The following SLC2A10 variants were observed in gnomAD, a reference collection of about 807,000 sequenced individuals.
The protein encoded by SLC2A10 is solute carrier family 2 member 10.
SLC2A10 carries 25 observed loss-of-function variants against 32.1 expected under a neutral mutation model. The ratio of observed to expected loss-of-function variants is 0.78; its 90% CI spans 0.57 to 1.09. The LOEUF is 1.09. SLC2A10 is among the 50% of genes least tolerant of loss of function. The probability of loss-of-function intolerance (pLI) is 0.00; values close to 1 mark genes in which losing one functional copy is unlikely to be tolerated. For synonymous variants in SLC2A10, 332 were observed against 309.6 expected, an observed-to-expected ratio of 1.07 and a Z score of -0.76; for missense variants, 673 against 686.5, an observed-to-expected ratio of 0.98 and a Z score of 0.22.
upstream of SLC2A10, among the ~76,000 whole-genome samples, chr20:46,709,289 G>A (rs1443067054): frequency 6.6e-6 from 1 of 151,858 alleles, no homozygotes; most frequent in Non-Finnish European, 1.5e-5. Flanking sequence ...GTGTGTGTGC[G>A]CACGCTGGGG....
chr20:46,723,217 G>C (rs1045075797), intron 1 of SLC2A10, among the ~76,000 whole-genome samples: 1 of 152,136 alleles, frequency 6.6e-6, no homozygotes, highest in African/African-American at 2.4e-5. Context: ...CATGTTCCAA[G>C]ATGGCTGCTG....
intron 4 of SLC2A10, among the ~76,000 whole-genome samples, chr20:46,731,614 G>A (rs1159863837): frequency 6.6e-6 from 1 of 152,154 alleles, no homozygotes; most frequent in Non-Finnish European, 1.5e-5. Context: ...GGGGAGCCAA[G>A]GCCAGCCCTT....
intron 1 of SLC2A10, among the ~76,000 whole-genome samples, chr20:46,711,193 T>C (rs914279559): frequency 1.3e-5 from 2 of 152,216 alleles, no homozygotes; most frequent in Non-Finnish European, 2.9e-5. Flanking sequence ...TCTGAGTCGT[T>C]CTGTGGAGAA....
intron 1 of SLC2A10, among the ~76,000 whole-genome samples, 193 bp from the exon 2 acceptor site, chr20:46,724,848 G>A (rs983018004): frequency 6.8e-6 from 1 of 146,740 alleles, no homozygotes; most frequent in African/African-American, 2.5e-5. Context: ...TGGATGGATG[G>A]TTGAATTGAT....
rs6018009 is a variant in SLC2A10, at chr20:46,734,114, C to T, written c.*280C>T. 5.6e-3 allele frequency: 2,854 copies of T among 508,226 alleles called. 44 individuals are homozygous for T. Among genetic ancestry groups the T allele is most frequent in the African/African-American group, 0.042 (2,193 of 51,796 alleles). 31.5% of individuals were successfully genotyped at this position (508,226 alleles called of 1,614,324 possible). On this transcript the variant is annotated 3_prime_UTR_variant, in exon 5 of 5. Coordinates refer to ENST00000359271, the MANE Select transcript of SLC2A10 (RefSeq NM_030777.4). ...CTGCAGTATTTATAAGAAGAATATT[C>T]TATGAAGTCTTTGTTGCACCATGGA...
chr20:46,729,652 T>G (rs1350487138), intron 4 of SLC2A10, among the ~76,000 whole-genome samples, 164 bp downstream of exon 4: 5 of 118,880 alleles, frequency 4.2e-5, no homozygotes, highest in African/African-American at 1.6e-4. Flanking sequence ...TTTTTTTTTT[T>G]TTTTTTTGAG....
chr20:46,715,544 G>A (rs1416359607), intron 1 of SLC2A10, among the ~76,000 whole-genome samples: 1 of 152,220 alleles, frequency 6.6e-6, no homozygotes, highest in African/African-American at 2.4e-5. Flanking sequence ...TACTAGTGGT[G>A]AGGAACAGGA....
At chr20:46,723,469 G>A (rs1338114923) in intron 1 of SLC2A10, among the ~76,000 whole-genome samples, 2 of 152,184 alleles carry the variant, frequency 1.3e-5, no homozygotes, top group Non-Finnish European at 2.9e-5. Flanking sequence ...AATGGACATT[G>A]ATTGGGCCAC....
rs904130430 is a variant in SLC2A10, at chr20:46,736,042, C to A, written c.*2208C>A. The stretch of plus-strand genomic sequence containing the variant: ...TAATTTTGTCAAATCATGGCCAAAT[C>A]GCAGTGATAGTTGACTTTGGATACA... On this transcript the variant is annotated 3_prime_UTR_variant, in exon 5 of 5. Transcript: ENST00000359271. 2 of 151,422 alleles carry A rather than the reference C, an allele frequency of 1.3e-5. No homozygotes were observed. Among genetic ancestry groups the A allele is most frequent in the African/African-American group, 4.9e-5 (2 of 41,174 alleles). The allele number at this position is 151,422 out of a possible 1,614,324, so 9.4% of individuals were successfully genotyped here. A position where few individuals can be genotyped will look rare whatever the true frequency, so the allele number is the denominator to read the frequency against.
intron 3 of SLC2A10, among the ~76,000 whole-genome samples, chr20:46,728,600 G>A (rs1244413528): frequency 2.1e-5 from 3 of 142,650 alleles, no homozygotes; most frequent in African/African-American, 8.4e-5. Flanking sequence ...GAATTTCTGG[G>A]TGTGTTTTTT....
chr20:46,718,067 C>A lies in SLC2A10; in HGVS notation c.5-6974C>A, dbSNP rs572670566. ...TGAGACCCCACCTCTTCAAAAAAAT[C>A]AAAAAGTTAGCCTGGCATGGTGGTG... On this transcript the variant is annotated intron_variant, in intron 1 of 4. Transcript: ENST00000359271. Among the ~76,000 whole-genome samples, 6 of 152,052 alleles carry A rather than the reference C, an allele frequency of 3.9e-5. No individual in the cohort carries two copies. In the East Asian group the frequency reaches 5.8e-4, roughly 15 times the overall value.
intron 4 of SLC2A10, among the ~76,000 whole-genome samples, 175 bp downstream of exon 4, chr20:46,729,663 A>C (rs1980186090): frequency 1.2e-5 from 1 of 82,700 alleles, no homozygotes; most frequent in Non-Finnish European, 2.2e-5. Flanking sequence ...TTTTTTTGAG[A>C]TGGAGTCTCG....
At position 46,726,214 on chromosome 20, in the gene SLC2A10, C is replaced by G. The variant is rs747610186; in HGVS notation, c.1178C>G (p.Ser393Cys). 9 of 1,614,090 alleles carry G rather than the reference C, an allele frequency of 5.6e-6. No individual in the cohort carries two copies. The highest frequency in any genetic ancestry group is 1.7e-6 in the Non-Finnish European group (2 of 1,180,054). Reference protein sequence around the residue: ...PSAPPRLALSSALPGPPLPAR... With the variant: ...PSAPPRLALSCALPGPPLPAR... ...GCCCCTCCTCGGCTGGCCCTGAGCT[C>G]TGCCCTCCCTGGGCCCCCTCTGCCC... The change falls in exon 2 of 5, where the codon TCT (serine) becomes TGT (cysteine). Residue 393 changes from serine to cysteine, a missense_variant. Coordinates refer to ENST00000359271, the MANE Select transcript of SLC2A10 (RefSeq NM_030777.4).
intron 3 of SLC2A10, among the ~76,000 whole-genome samples, chr20:46,728,613 T>G (rs1380710005): frequency 1.4e-5 from 2 of 147,586 alleles, no homozygotes; most frequent in East Asian, 2.0e-4. Context: ...TGTTTTTTTT[T>G]TTTTTTTTTT....
At chr20:46,732,315 T>G (rs781301846) in intron 4 of SLC2A10, among the ~76,000 whole-genome samples, 1 of 152,202 alleles carries the variant, frequency 6.6e-6, no homozygotes, top group Non-Finnish European at 1.5e-5. Flanking sequence ...CAAAAATTCC[T>G]GTTTTATCCC....
intron 1 of SLC2A10, among the ~76,000 whole-genome samples, chr20:46,723,012 A>T (rs1202426319): frequency 6.6e-6 from 1 of 152,216 alleles, no homozygotes; most frequent in Non-Finnish European, 1.5e-5. Flanking sequence ...CACTGCTAGG[A>T]ATAGAAACTG....
intron 1 of SLC2A10, chr20:46,710,125 C>T (rs896924806): frequency 2.2e-6 from 1 of 446,216 alleles, no homozygotes; most frequent in Non-Finnish European, 3.9e-6. Context: ...GCGGTTGTGC[C>T]CCAGGCGCTG....
At chr20:46,723,011 G>T (rs1243283247) in intron 1 of SLC2A10, among the ~76,000 whole-genome samples, 1 of 152,162 alleles carries the variant, frequency 6.6e-6, no homozygotes, top group Non-Finnish European at 1.5e-5. Context: ...TCACTGCTAG[G>T]AATAGAAACT....
intron 1 of SLC2A10, among the ~76,000 whole-genome samples, chr20:46,711,871 G>C (rs1031278097): frequency 1.3e-5 from 2 of 152,180 alleles, no homozygotes; most frequent in Non-Finnish European, 2.9e-5. Context: ...AGAATGATGT[G>C]AAAAAATGAA....
Sources: allele counts gnomAD v4.1 joint callset (sites outside exome capture counted in the v4.1 genomes callset), GRCh38; gene constraint gnomAD v4.1.1; transcripts MANE v1.5; gene names NCBI Gene and HGNC (gene_info 2026-07-23, HGNC 2026-07-21).